Variants in PTPRN2 observed in about 807,000 individuals in gnomAD.
The protein encoded by PTPRN2 is protein tyrosine phosphatase receptor type N2.
In PTPRN2, 74 loss-of-function variants were observed where a neutral mutation model predicts 118.8. That is an observed-to-expected ratio of 0.62 (90% confidence interval 0.52 to 0.76). The LOEUF is 0.76. Ranked by LOEUF, PTPRN2 falls within the 30% of genes least tolerant of loss-of-function variation. The pLI is 0.00. For synonymous variants in PTPRN2, 641 were observed against 608.0 expected (o/e 1.05, Z -0.80); for missense variants, 1,481 against 1,394.4 (o/e 1.06, Z -0.99).
At chr7:158,183,742 C>A (rs1824912091) in intron 5 of PTPRN2, among the ~76,000 whole-genome samples, 1 of 152,194 alleles carries the variant, frequency 6.6e-6, no homozygotes, top group Non-Finnish European at 1.5e-5. Context: ...AGTGTCTCCC[C>A]CTCACACTGT....
chr7:158,587,641 A>G lies in PTPRN2; in HGVS notation c.29T>C (p.Leu10Pro). Reference protein sequence around the residue: MGPPLPLLLLLLLLLPPRVL... With the variant: MGPPLPLLLPLLLLLPPRVL... Reference sequence around the variant, plus strand: ...GCGTGGCGGCAGCAGCAGCAGTAGCAGCAGCAGCAGCGGGAGCGGCGGCCC... The same window carrying G: ...GCGTGGCGGCAGCAGCAGCAGTAGCGGCAGCAGCAGCGGGAGCGGCGGCCC... The change falls in exon 1 of 23, where the codon CTG becomes CCG. Residue 10 changes from leucine to proline, a missense_variant. Transcript: ENST00000389418. 2.2e-6 allele frequency: 3 copies of G among 1,367,454 alleles called. No homozygotes were observed. The highest frequency in any genetic ancestry group is 1.9e-6 in the Non-Finnish European group (2 of 1,063,194). 84.7% of individuals were successfully genotyped at this position (1,367,454 alleles called of 1,614,324 possible).
chr7:157,902,077 G>A (rs987398926), intron 11 of PTPRN2, among the ~76,000 whole-genome samples: 1 of 152,242 alleles, frequency 6.6e-6, no homozygotes, highest in African/African-American at 2.4e-5. Context: ...GCACGGTAGT[G>A]ACTAGGCAAC....
At position 158,514,320 on chromosome 7, in the gene PTPRN2, G is replaced by A. The variant is rs1823385134; in HGVS notation, c.113-24535C>T. Among the ~76,000 whole-genome samples, 3 of 152,206 alleles carry A rather than the reference G, an allele frequency of 2.0e-5. No individual in the cohort carries two copies. The South Asian group carries it at 6.2e-4, about 32-fold the overall frequency. The stretch of plus-strand genomic sequence containing the variant: ...GGCCACGAAGGGGAGCGGCTGGAGA[G>A]AGGGAGTGACGGAGAATGCACAGCT... On this transcript the variant is annotated intron_variant, in intron 1 of 22. Transcript: ENST00000389418.
intron 11 of PTPRN2, among the ~76,000 whole-genome samples, chr7:157,971,821 G>A (rs1230815404): frequency 6.6e-6 from 1 of 152,238 alleles, no homozygotes; most frequent in African/African-American, 2.4e-5. Context: ...ACTCCCCAGG[G>A]ATGGTGTAGA....
chr7:157,666,250 G>A (rs570495643), intron 13 of PTPRN2, among the ~76,000 whole-genome samples: 17 of 152,208 alleles, frequency 1.1e-4, no homozygotes, highest in Non-Finnish European at 1.0e-4. Flanking sequence ...ACATCTTTCC[G>A]GAAAGCTCTG....
At chr7:158,357,569 T>A (rs924843175) in intron 2 of PTPRN2, among the ~76,000 whole-genome samples, 44 of 152,142 alleles carry the variant, frequency 2.9e-4, no homozygotes, top group Non-Finnish European at 1.2e-4. Flanking sequence ...CCCACCCAAA[T>A]CACTGAGGGC....
chr7:158,339,949 G>A (rs1303110444), intron 2 of PTPRN2, among the ~76,000 whole-genome samples: 14 of 97,630 alleles, frequency 1.4e-4, no homozygotes, highest in African/African-American at 4.3e-4. Flanking sequence ...GTCGCCCGCA[G>A]ACGTGACTCA....
intron 11 of PTPRN2, among the ~76,000 whole-genome samples, chr7:157,976,974 C>T (rs566646934): frequency 6.6e-6 from 1 of 151,818 alleles, no homozygotes; most frequent in African/African-American, 2.4e-5. Flanking sequence ...GCTGTCATGC[C>T]AGGAATCGTT....
intron 2 of PTPRN2, among the ~76,000 whole-genome samples, chr7:158,376,195 G>A (rs1445677606): frequency 6.6e-6 from 1 of 152,170 alleles, no homozygotes; most frequent in Non-Finnish European, 1.5e-5. Flanking sequence ...CTTCCCTAAG[G>A]CTCTTTGAGC....
rs748969608 is a variant in PTPRN2, at chr7:158,565,161, A to T, written c.112+22397T>A. 1.3e-5 allele frequency among the ~76,000 whole-genome samples: 2 copies of T among 152,232 alleles called. No individual in the cohort carries two copies. The highest frequency in any genetic ancestry group is 2.9e-5 in the Non-Finnish European group (2 of 68,040). On this transcript the variant is annotated intron_variant, in intron 1 of 22. Transcript: ENST00000389418. This position sits in a 1 kb window ranked among gnomAD's most constrained non-coding sequence, Gnocchi z 4.6. ...AAACTATGAGGTTCCCAGGAACATG[A>T]CACAGTCCGTGCTACATCAGATCTG...
At chr7:158,530,848 C>T (rs981138343) in intron 1 of PTPRN2, among the ~76,000 whole-genome samples, 1 of 152,160 alleles carries the variant, frequency 6.6e-6, no homozygotes, top group African/African-American at 2.4e-5. Flanking sequence ...CATGTGGGTC[C>T]CATGCAGGTT....
chr7:157,578,414 A>G (rs902689951), intron 17 of PTPRN2, among the ~76,000 whole-genome samples: 1 of 152,088 alleles, frequency 6.6e-6, no homozygotes, highest in African/African-American at 2.4e-5. Flanking sequence ...TGGTTTTCCA[A>G]CTTCTGATCT....
rs374901350 is a variant in PTPRN2 at position 158,366,190 on chromosome 7, G to A, written c.164-49258C>T. 6.5e-5 allele frequency among the ~76,000 whole-genome samples: 9 copies of A among 138,694 alleles called. No individual in the cohort carries two copies. The South Asian group carries it at 7.2e-4, about 11-fold the overall frequency. 91.0% of individuals were successfully genotyped at this position (138,694 alleles called of 152,430 possible). On this transcript the variant is annotated intron_variant, in intron 2 of 22. Transcript: ENST00000389418. Reference sequence around the variant, plus strand: ...TGGGAGAAGCTGCAGCCCAATGCACGTGTGCAAATGCACACACACACACAG... The same window carrying A: ...TGGGAGAAGCTGCAGCCCAATGCACATGTGCAAATGCACACACACACACAG...
intron 2 of PTPRN2, among the ~76,000 whole-genome samples, chr7:158,405,529 CAACA>C (rs1247470545): frequency 2.0e-5 from 3 of 152,218 alleles, no homozygotes; most frequent in East Asian, 1.9e-4. Flanking sequence ...TGGAAGGGAA[CAACA>C]AACAAAGCCT....
intron 9 of PTPRN2, among the ~76,000 whole-genome samples, chr7:158,130,607 C>T (rs2150421770): frequency 6.6e-6 from 1 of 151,666 alleles, no homozygotes. Flanking sequence ...ACACATCTAC[C>T]CTACATACAC....
intron 12 of PTPRN2, among the ~76,000 whole-genome samples, chr7:157,848,855 C>G (rs1809069528): frequency 6.6e-6 from 1 of 152,252 alleles, no homozygotes; most frequent in African/African-American, 2.4e-5. Context: ...CCTCTGCAGT[C>G]CCAGACCCAG....
Position 157,690,302 on chromosome 7 carries a change from A to G in PTPRN2, c.1789-7365T>C, listed in dbSNP as rs1797409787. On this transcript the variant is annotated intron_variant, in intron 12 of 22. Coordinates refer to ENST00000389418, the MANE Select transcript of PTPRN2 (RefSeq NM_002847.5). The surrounding 1 kb of genome is among the most constrained non-coding windows in gnomAD (Gnocchi z 7.1). ...TCTCCCCTGCCGGCCCAAGCCTTTGACAGGAGTCCTGCGGCGAGGCAGAGA... is the reference window on the plus strand; with the variant it reads ...TCTCCCCTGCCGGCCCAAGCCTTTGGCAGGAGTCCTGCGGCGAGGCAGAGA... 6.6e-6 allele frequency among the ~76,000 whole-genome samples: 1 copy of G among 152,156 alleles called. No homozygotes were observed. Among genetic ancestry groups the G allele is most frequent in the South Asian group, 2.1e-4 (1 of 4,828 alleles).
chr7:157,575,826 A>G (rs1800007616), intron 19 of PTPRN2, among the ~76,000 whole-genome samples: 1 of 152,172 alleles, frequency 6.6e-6, no homozygotes, highest in East Asian at 1.9e-4. Context: ...CAATAGGTAG[A>G]CTTCTGATCA....
chr7:157,770,474 A>T (rs1802736009), intron 12 of PTPRN2, among the ~76,000 whole-genome samples: 1 of 152,224 alleles, frequency 6.6e-6, no homozygotes, highest in Admixed American at 6.5e-5. Flanking sequence ...GGCCCTGTGC[A>T]CCCAGAGAAT....
Sources: allele counts gnomAD v4.1 joint callset (sites outside exome capture counted in the v4.1 genomes callset), GRCh38; gene constraint gnomAD v4.1.1; non-coding constraint Gnocchi (gnomAD v3.1); transcripts MANE v1.5; gene names NCBI Gene and HGNC (gene_info 2026-07-23, HGNC 2026-07-21).